The following ARHGEF38 variants were observed in gnomAD, a reference collection of about 807,000 sequenced individuals.
ARHGEF38 encodes the protein Rho guanine nucleotide exchange factor 38, also known as Rho guanine nucleotide exchange factor (GEF) 38.
Under a neutral mutation model 79.9 loss-of-function variants are expected in ARHGEF38, and 79 were observed. That is an observed-to-expected ratio of 0.99 (90% CI 0.82 to 1.19). The LOEUF is 1.19. ARHGEF38 is among the 50% of genes most tolerant of loss of function. The pLI is 0.00. For synonymous variants in ARHGEF38, 366 were observed against 328.3 expected, an observed-to-expected ratio of 1.11 and a Z score of -1.24; for missense variants, 962 against 907.2, an observed-to-expected ratio of 1.06 and a Z score of -0.78.
At position 105,659,282 on chromosome 4, in the gene ARHGEF38, C is replaced by A; in HGVS notation, c.1462C>A (p.Leu488Met). Reference protein sequence around the residue: ...QAFNQAARKILLNCLCSFITL... With the variant: ...QAFNQAARKIMLNCLCSFITL... ...ATTCAACCAGGCTGCTCGGAAGATT[C>A]TGTTGAACTGTCTATGCAGCTTCAT... Residue 488 changes from leucine (L) to methionine (M), a missense_variant, in exon 10 of 14, where the codon CTG becomes ATG. By Grantham distance (15) the Leu-to-Met change is conservative. Transcript: ENST00000420470. The A allele has an allele frequency of 1.3e-6, 2 of 1,536,102 alleles. No individual in the cohort carries two copies. The highest frequency in any genetic ancestry group is 1.7e-4 in the Middle Eastern group (1 of 5,974).
downstream of ARHGEF38, among the ~76,000 whole-genome samples, chr4:105,681,744 C>CA (rs1731317854): frequency 6.6e-6 from 1 of 151,932 alleles, no homozygotes; most frequent in African/African-American, 2.4e-5. Flanking sequence ...GATTTTTCAC[C>CA]AAAAAAATTT....
In ARHGEF38 at chr4:105,679,872, G is replaced by A; in HGVS notation, c.*1935G>A. ...CTTTGAATCACCAGGTCAACTACAGGAATGTCCAAACCACGAGGAGCCACA... is the reference window on the plus strand; with the variant it reads ...CTTTGAATCACCAGGTCAACTACAGAAATGTCCAAACCACGAGGAGCCACA... On this transcript the variant is annotated 3_prime_UTR_variant, in exon 14 of 14. Transcript: ENST00000420470. 1 of 1,428,666 alleles carries A rather than the reference G, an allele frequency of 7.0e-7. No individual in the cohort carries two copies. Among genetic ancestry groups the A allele is most frequent in the Non-Finnish European group, 9.8e-7 (1 of 1,015,536 alleles). The allele number at this position is 1,428,666 out of a possible 1,614,324, so 88.5% of individuals were successfully genotyped here. A position where few individuals can be genotyped will look rare whatever the true frequency, so the allele number is the denominator to read the frequency against.
intron 1 of ARHGEF38, among the ~76,000 whole-genome samples, chr4:105,583,884 C>G (rs1726912237): frequency 6.6e-6 from 1 of 152,036 alleles, no homozygotes; most frequent in African/African-American, 2.4e-5. Context: ...TGATCACCAC[C>G]AAGGCTGAGA....
At chr4:105,580,447 G>A (rs544309260) in intron 1 of ARHGEF38, among the ~76,000 whole-genome samples, 17 of 152,244 alleles carry the variant, frequency 1.1e-4, no homozygotes, top group East Asian at 5.8e-4. Flanking sequence ...CAAACTTCTT[G>A]ATTTCTCCCT....
intron 2 of ARHGEF38, among the ~76,000 whole-genome samples, chr4:105,604,837 C>T (rs1266172756): frequency 6.6e-6 from 1 of 151,980 alleles, no homozygotes; most frequent in Non-Finnish European, 1.5e-5. Context: ...CAGCCACAAG[C>T]CTTTAAATAT....
chr4:105,668,695 TA>T (rs1349216682), intron 13 of ARHGEF38, among the ~76,000 whole-genome samples: 1 of 151,628 alleles, frequency 6.6e-6, no homozygotes, highest in Non-Finnish European at 1.5e-5. Flanking sequence ...GATAGATAGA[TA>T]GATAGATAGA....
intron 6 of ARHGEF38, among the ~76,000 whole-genome samples, 166 bp downstream of exon 6, chr4:105,645,553 G>A (rs553505828): frequency 6.6e-6 from 1 of 152,168 alleles, no homozygotes; most frequent in African/African-American, 2.4e-5. Flanking sequence ...TTGTCAGCTG[G>A]GTTAAGGAGA....
rs147207903 is a variant in ARHGEF38, at chr4:105,589,169, C to G, written c.197-79C>G. The G allele has an allele frequency of 2.1e-4, 249 of 1,183,376 alleles. No individual in the cohort carries two copies. In the African/African-American group the frequency reaches 3.3e-3, roughly 16 times the overall value. The allele number at this position is 1,183,376 out of a possible 1,614,324, so 73.3% of individuals were successfully genotyped here. On this transcript the variant is annotated intron_variant, in intron 1 of 13. Coordinates refer to ENST00000420470, the MANE Select transcript of ARHGEF38 (RefSeq NM_001242729.2). The stretch of plus-strand genomic sequence containing the variant: ...CAGCCTTTTTCCTTGTTAACAAAGT[C>G]CTTCGAAGGCGTTGTTTGTAATGAA...
chr4:105,604,579 T>G (rs1438895675), intron 2 of ARHGEF38, among the ~76,000 whole-genome samples: 1 of 152,186 alleles, frequency 6.6e-6, no homozygotes, highest in Non-Finnish European at 1.5e-5. Flanking sequence ...TTTGTAATTG[T>G]GTCATTAAGT....
intron 2 of ARHGEF38, among the ~76,000 whole-genome samples, chr4:105,589,678 T>G (rs1014685962): frequency 2.6e-5 from 4 of 151,836 alleles, no homozygotes; most frequent in African/African-American, 7.3e-5. Flanking sequence ...CAAACAAAAT[T>G]AAGATATGTT....
At chr4:105,633,151 G>A (rs1729263271) in intron 4 of ARHGEF38, 1 of 152,390 alleles carries the variant, frequency 6.6e-6, no homozygotes, top group African/African-American at 2.4e-5. Context: ...AGGTGTTAAG[G>A]TTTAGAAAGC....
chr4:105,552,941 A>ATCGG lies in ARHGEF38; in HGVS notation c.176_177insTCGG (p.Glu59AspfsTer16). On this transcript the variant is annotated frameshift_variant, in exon 1 of 14. Coordinates refer to ENST00000420470, the MANE Select transcript of ARHGEF38 (RefSeq NM_001242729.2). LOFTEE classifies it high-confidence loss of function. ...AGGAGGAGCCAATCTGACAGGACCG[A>ATCGG]ATACAACCAGAAATTACAAGGTAAC... 1 of 1,609,438 alleles carries ATCGG rather than the reference A, an allele frequency of 6.2e-7. No individual in the cohort carries two copies. The highest frequency in any genetic ancestry group is 8.5e-7 in the Non-Finnish European group (1 of 1,178,592).
At chr4:105,561,130 G>A (rs1430598419) in intron 1 of ARHGEF38, among the ~76,000 whole-genome samples, 3 of 152,114 alleles carry the variant, frequency 2.0e-5, no homozygotes, top group Non-Finnish European at 2.9e-5. Flanking sequence ...GCTCATGCCT[G>A]TAATCCCAGC....
intron 2 of ARHGEF38, among the ~76,000 whole-genome samples, chr4:105,607,546 T>C (rs1003237333): frequency 5.3e-5 from 8 of 152,054 alleles, no homozygotes; most frequent in Non-Finnish European, 1.0e-4. Flanking sequence ...AGTTTTGTCA[T>C]AGAGACAGAT....
At chr4:105,668,227 G>T (rs1167877072) in intron 13 of ARHGEF38, among the ~76,000 whole-genome samples, 8 of 151,750 alleles carry the variant, frequency 5.3e-5, no homozygotes, top group African/African-American at 1.9e-4. Flanking sequence ...TGTCGCCCAG[G>T]CTGGAGTGCA....
At chr4:105,556,966 A>G (rs2110388378) in intron 1 of ARHGEF38, among the ~76,000 whole-genome samples, 1 of 152,316 alleles carries the variant, frequency 6.6e-6, no homozygotes, top group African/African-American at 2.4e-5. Context: ...TTCAGAGCAC[A>G]CAACAACCAT....
At chr4:105,557,757 G>A (rs377317614) in intron 1 of ARHGEF38, among the ~76,000 whole-genome samples, 53 of 152,156 alleles carry the variant, frequency 3.5e-4, no homozygotes, top group African/African-American at 1.2e-3. Flanking sequence ...GGATTTTCTA[G>A]CCTGCAGAAC....
At chr4:105,581,292 T>C (rs962339795) in intron 1 of ARHGEF38, among the ~76,000 whole-genome samples, 1 of 152,170 alleles carries the variant, frequency 6.6e-6, no homozygotes, top group Non-Finnish European at 1.5e-5. Context: ...TTGCATGTAG[T>C]TGGCCATCTT....
At chr4:105,606,711 GA>G (rs1485481204) in intron 2 of ARHGEF38, among the ~76,000 whole-genome samples, 2 of 151,906 alleles carry the variant, frequency 1.3e-5, no homozygotes, top group African/African-American at 2.4e-5. Flanking sequence ...TGCAATTGAG[GA>G]AAATTACTGA....
Sources: gnomAD v4.1 joint callset for allele counts (sites outside exome capture counted in the v4.1 genomes callset) on GRCh38, gnomAD v4.1.1 for gene constraint, MANE v1.5 for transcripts, NCBI Gene and HGNC (gene_info 2026-07-23, HGNC 2026-07-21) for gene names.